The following FGF14 variants were observed in gnomAD, a reference collection of about 807,000 sequenced individuals.
FGF14 encodes fibroblast growth factor 14, also known as fibroblast growth factor homologous factor 4.
Under a neutral mutation model 25.5 loss-of-function variants are expected in FGF14, and 5 were observed. The observed-to-expected ratio is 0.20, with a 90% CI of 0.10 to 0.41. FGF14 has a LOEUF of 0.41. Ranked by LOEUF, FGF14 falls within the 10% of genes least tolerant of loss-of-function variation. The probability of loss-of-function intolerance (pLI) is 1.00; values close to 1 mark genes in which losing one functional copy is unlikely to be tolerated. For missense variants in FGF14, 222 were observed against 320.1 expected (o/e 0.69, Z 2.34); for synonymous variants, 138 against 118.3 (o/e 1.17, Z -1.08).
In FGF14 at chr13:102,250,551, A is replaced by G. The variant is rs900147805; in HGVS notation, c.208+150920T>C. 9.4e-4 allele frequency among the ~76,000 whole-genome samples: 143 copies of G among 152,294 alleles called. 1 individual carries two copies. The highest frequency in any genetic ancestry group is 3.2e-3 in the African/African-American group (131 of 41,564). ...GTTGATTTTTAATGAGTTCAGACAT[A>G]AGTGTGACTGGCATTGAATATTATG... On this transcript the variant is annotated intron_variant, in intron 1 of 4. Transcript: ENST00000376131.
At chr13:102,215,389 C>T (rs2050329832) in intron 1 of FGF14, among the ~76,000 whole-genome samples, 1 of 152,182 alleles carries the variant, frequency 6.6e-6, no homozygotes, top group African/African-American at 2.4e-5. Flanking sequence ...CAGAAGCTGG[C>T]ACTGCTTTTT....
intron 3 of FGF14, among the ~76,000 whole-genome samples, chr13:101,853,458 A>AT (rs1457379230): frequency 2.6e-5 from 4 of 151,934 alleles, no homozygotes; most frequent in African/African-American, 4.8e-5. Context: ...TTTATTTTCA[A>AT]TTTTTTTAGT....
At chr13:101,776,899 G>T (rs569925791) in intron 3 of FGF14, among the ~76,000 whole-genome samples, 1 of 152,296 alleles carries the variant, frequency 6.6e-6, no homozygotes, top group Non-Finnish European at 1.5e-5. Context: ...CATAGTCAAT[G>T]CCTTCTTTTT....
chr13:102,132,169 A>G (rs1051481195), intron 1 of FGF14, among the ~76,000 whole-genome samples: 2 of 152,204 alleles, frequency 1.3e-5, no homozygotes, highest in Admixed American at 1.3e-4. Context: ...CGACCACCCC[A>G]GGGTCCATCA....
In FGF14 at chr13:102,330,731, CCT is replaced by C. The variant is rs557270572; in HGVS notation, c.208+70738_208+70739del. Among the ~76,000 whole-genome samples, 3 of 152,266 alleles carry C rather than the reference CCT, an allele frequency of 2.0e-5. No individual in the cohort carries two copies. The East Asian group carries it at 5.8e-4, about 29-fold the overall frequency. On this transcript the variant is annotated intron_variant, in intron 1 of 4. Transcript: ENST00000376131. ...TACTCAAAACTGCAAGCTCCACACC[CCT>C]GATCATCACTCCCTCCTCCCTTCAT... is the stretch of plus-strand genomic sequence containing the variant.
intron 1 of FGF14, among the ~76,000 whole-genome samples, chr13:102,041,904 A>G (rs2041761172): frequency 6.6e-6 from 1 of 152,138 alleles, no homozygotes; most frequent in Middle Eastern, 3.2e-3. Flanking sequence ...TTTCCTTCAC[A>G]TTTCTCCTTC....
intron 3 of FGF14, among the ~76,000 whole-genome samples, chr13:101,790,128 GT>G (rs35108416): frequency 0.56 from 60,467 of 108,312 alleles, 12,768 homozygotes; most frequent in East Asian, 0.85. Context: ...TAGTATTTTG[GT>G]TTTTTTTTTC....
chr13:102,233,334 T>A (rs2051171114), intron 1 of FGF14, among the ~76,000 whole-genome samples: 1 of 152,126 alleles, frequency 6.6e-6, no homozygotes, highest in Non-Finnish European at 1.5e-5. Flanking sequence ...TTTCACCATG[T>A]TGGCCAGGCT....
chr13:102,287,023 A>T (rs1384816415), intron 1 of FGF14, among the ~76,000 whole-genome samples: 2 of 152,172 alleles, frequency 1.3e-5, no homozygotes, highest in Admixed American at 6.5e-5. Context: ...GATATACCTA[A>T]TGTAAATGAC....
chr13:101,868,417 AAG>A (rs2044854567), intron 3 of FGF14: 1 of 243,154 alleles, frequency 4.1e-6, no homozygotes, highest in African/African-American at 2.3e-5. Flanking sequence ...AAAACATTAT[AAG>A]AAACTCTCTA....
chr13:102,390,034 G>A (rs993622669), intron 1 of FGF14, among the ~76,000 whole-genome samples: 11 of 152,256 alleles, frequency 7.2e-5, no homozygotes, highest in African/African-American at 2.2e-4. Flanking sequence ...AATTCTCCAC[G>A]TCTAACATGC....
At chr13:102,278,945 T>C (rs1275106134) in intron 1 of FGF14, among the ~76,000 whole-genome samples, 1 of 152,160 alleles carries the variant, frequency 6.6e-6, no homozygotes, top group East Asian at 1.9e-4. Context: ...GCGACTTATA[T>C]ATACCAGCTG....
chr13:101,788,923 G>GAC (rs2040054416), intron 3 of FGF14, among the ~76,000 whole-genome samples: 1 of 27,438 alleles, frequency 3.6e-5, no homozygotes, highest in African/African-American at 6.8e-5. Flanking sequence ...GAGAGAGAGA[G>GAC]AGAGAGAGAG....
chr13:101,965,653 T>G (rs975466906), intron 1 of FGF14, among the ~76,000 whole-genome samples: 8 of 148,300 alleles, frequency 5.4e-5, no homozygotes, highest in African/African-American at 2.0e-4. Flanking sequence ...GAATGTGAGA[T>G]CCTAAAAAGG....
intron 1 of FGF14, among the ~76,000 whole-genome samples, chr13:102,082,356 T>A (rs1445889251): frequency 6.6e-6 from 1 of 152,154 alleles, no homozygotes; most frequent in East Asian, 1.9e-4. Flanking sequence ...TTGTATTCAT[T>A]ACAGAAGAGA....
intron 1 of FGF14, among the ~76,000 whole-genome samples, chr13:101,901,985 C>G (rs2031619312): frequency 1.3e-5 from 2 of 152,148 alleles, no homozygotes; most frequent in Admixed American, 6.6e-5. Flanking sequence ...GTGATACCAT[C>G]ACCACATCAA....
chr13:102,334,117 C>A (rs1165629418), intron 1 of FGF14, among the ~76,000 whole-genome samples: 3 of 152,106 alleles, frequency 2.0e-5, no homozygotes, highest in Non-Finnish European at 2.9e-5. Context: ...AATGAGCCAC[C>A]CAAAGTAAAC....
chr13:102,306,687 A>G (rs2055400506), intron 1 of FGF14, among the ~76,000 whole-genome samples: 1 of 152,342 alleles, frequency 6.6e-6, no homozygotes, highest in East Asian at 1.9e-4. Context: ...CATAAGGCCA[A>G]AAGAATGAAG....
chr13:101,797,781 G>GTGTGTA (rs975518450), intron 3 of FGF14, among the ~76,000 whole-genome samples: 20 of 151,054 alleles, frequency 1.3e-4, no homozygotes, highest in African/African-American at 4.9e-4. Flanking sequence ...GTGTGTGTGT[G>GTGTGTA]TTCAACCTCA....
Sources: allele counts gnomAD v4.1 joint callset (sites outside exome capture counted in the v4.1 genomes callset), GRCh38; gene constraint gnomAD v4.1.1; transcripts MANE v1.5; gene names NCBI Gene and HGNC (gene_info 2026-07-23, HGNC 2026-07-21).